Variants in RREB1 observed in about 807,000 individuals in gnomAD.
RREB1 encodes the protein ras-responsive element-binding protein 1.
RREB1 carries 27 observed loss-of-function variants against 117.8 expected under a neutral mutation model. The observed-to-expected ratio is 0.23, with a 90% CI of 0.17 to 0.32. The LOEUF (loss-of-function observed/expected upper bound fraction) is 0.32. RREB1 is among the 10% of genes least tolerant of loss of function. The pLI is 1.00. For missense variants in RREB1, 2,577 were observed against 2,378.2 expected, an observed-to-expected ratio of 1.08 and a Z score of -1.74; for synonymous variants, 1,298 against 1,026.7, an observed-to-expected ratio of 1.26 and a Z score of -5.05.
intron 1 of RREB1, among the ~76,000 whole-genome samples, chr6:7,127,185 C>T (rs957511970): frequency 1.3e-5 from 2 of 151,600 alleles, no homozygotes; most frequent in African/African-American, 4.8e-5. Flanking sequence ...GACGGGGGCT[C>T]GGTGGTGGAG....
intron 6 of RREB1, among the ~76,000 whole-genome samples, chr6:7,199,597 T>C (rs1765837493): frequency 6.6e-6 from 1 of 152,182 alleles, no homozygotes; most frequent in Non-Finnish European, 1.5e-5. Flanking sequence ...TTTGATTGCT[T>C]GTTCTATGAT....
chr6:7,175,028 G>GA (rs1056253552), intron 1 of RREB1, among the ~76,000 whole-genome samples: 1 of 151,730 alleles, frequency 6.6e-6, no homozygotes, highest in South Asian at 2.1e-4. Flanking sequence ...GCAGTTTCTA[G>GA]AAAAAAACCA....
intron 1 of RREB1, among the ~76,000 whole-genome samples, chr6:7,138,914 A>AT (rs1333593879): frequency 2.3e-5 from 2 of 85,650 alleles, no homozygotes; most frequent in South Asian, 2.5e-4. Flanking sequence ...TAATGAAAAG[A>AT]TTTTTTTTCT....
At position 7,239,742 on chromosome 6, in the gene RREB1, T is replaced by G. The variant is rs181362615; in HGVS notation, c.3809-696T>G. Among the ~76,000 whole-genome samples the G allele has an allele frequency of 3.9e-5, 6 of 152,318 alleles. No individual in the cohort carries two copies. The East Asian group carries it at 1.2e-3, about 29-fold the overall frequency. On this transcript the variant is annotated intron_variant, in intron 10 of 12. Coordinates refer to ENST00000379938, the MANE Select transcript of RREB1 (RefSeq NM_001003699.4). ...ATTGGTCACTCATTTGCAACCAAGC[T>G]TGGAGCAGGGGGAACAAAGAACCTT...
At chr6:7,200,280 G>T (rs13209252) in intron 6 of RREB1, among the ~76,000 whole-genome samples, 110 of 93,786 alleles carry the variant, frequency 1.2e-3, no homozygotes, top group Non-Finnish European at 1.5e-3. Context: ...GTGTGTGTGT[G>T]TATTTTTTTT....
chr6:7,137,650 G>C (rs1393564117), intron 1 of RREB1, among the ~76,000 whole-genome samples: 1 of 151,896 alleles, frequency 6.6e-6, no homozygotes, highest in African/African-American at 2.4e-5. Flanking sequence ...TTGGTCTACT[G>C]AAAACATTAG....
At position 7,247,086 on chromosome 6, in the gene RREB1, G is replaced by A. The variant is rs761830569; in HGVS notation, c.4636G>A (p.Asp1546Asn). 1 of 1,613,692 alleles carries A rather than the reference G, an allele frequency of 6.2e-7. No individual in the cohort carries two copies. Among genetic ancestry groups the A allele is most frequent in the African/African-American group, 1.3e-5 (1 of 74,912 alleles). ...GAAAAGGTCCTCAGAGAAGAGCGACGATGACAAGAAACCAAAGACAGACTC... is the reference window on the plus strand; with the variant it reads ...GAAAAGGTCCTCAGAGAAGAGCGACAATGACAAGAAACCAAAGACAGACTC... ...AEKRSSEKSD[D>N]DKKPKTDSPK... Residue 1546 changes from aspartate (D) to asparagine (N), a missense_variant, in exon 12 of 13, where the codon GAT becomes AAT. Physicochemically the swap from Asp to Asn is conservative, Grantham distance 23 (BLOSUM62 1). Coordinates refer to ENST00000379938, the MANE Select transcript of RREB1 (RefSeq NM_001003699.4).
In RREB1 at chr6:7,231,005, C is replaced by T; in HGVS notation, c.2906C>T (p.Pro969Leu). 6.2e-7 allele frequency: 1 copy of T among 1,614,160 alleles called. No homozygotes were observed. Among genetic ancestry groups the T allele is most frequent in the Non-Finnish European group, 8.5e-7 (1 of 1,180,024 alleles). ...GAGGAGGCGGGGAGCAGCGAGCAGCCCTCTCCCTGCCCAGCACCCGGCCCT... is the reference window on the plus strand; with the variant it reads ...GAGGAGGCGGGGAGCAGCGAGCAGCTCTCTCCCTGCCCAGCACCCGGCCCT... Reference protein sequence around the residue: ...PEEEAGSSEQPSPCPAPGPSL... With the variant: ...PEEEAGSSEQLSPCPAPGPSL... Residue 969 changes from proline to leucine, a missense_variant, in exon 10 of 13, where the codon CCC (proline) becomes CTC (leucine). Pro to Leu is a moderately conservative substitution (Grantham distance 98). Coordinates refer to ENST00000379938, the MANE Select transcript of RREB1 (RefSeq NM_001003699.4).
At chr6:7,131,544 T>TC (rs1426097800) in intron 1 of RREB1, among the ~76,000 whole-genome samples, 1 of 152,216 alleles carries the variant, frequency 6.6e-6, no homozygotes, top group Non-Finnish European at 1.5e-5. Context: ...CCAAGGTTAC[T>TC]CTAGCTAGTT....
At position 7,189,182 on chromosome 6, in the gene RREB1, C is replaced by T. The variant is rs145577762; in HGVS notation, c.285C>T (p.Ala95=). 1.5e-5 allele frequency: 24 copies of T among 1,613,174 alleles called. No homozygotes were observed. Among genetic ancestry groups the T allele is most frequent in the African/African-American group, 6.7e-5 (5 of 74,886 alleles). Residue 95 remains alanine, a synonymous_variant, in exon 6 of 13, where the codon GCC becomes GCT. Coordinates refer to ENST00000379938, the MANE Select transcript of RREB1 (RefSeq NM_001003699.4). Reference sequence around the variant, plus strand: ...AGCACAACACAGACACTGGAGGAGCCGACCACTCATGCAGCATCTGCGGAA... The same window carrying T: ...AGCACAACACAGACACTGGAGGAGCTGACCACTCATGCAGCATCTGCGGAA... The part of the protein sequence containing the change: ...IRQHNTDTGG[A]DHSCSICGKS...
At position 7,250,745 on chromosome 6, in the gene RREB1, C is replaced by T. The variant is rs1257095607; in HGVS notation, c.*1777C>T. The T allele has an allele frequency of 1.3e-5, 2 of 152,108 alleles. No individual in the cohort carries two copies. Among genetic ancestry groups the T allele is most frequent in the African/African-American group, 2.4e-5 (1 of 41,414 alleles). 9.4% of individuals were successfully genotyped at this position (152,108 alleles called of 1,614,324 possible). A position where few individuals can be genotyped will look rare whatever the true frequency, so the allele number is the denominator to read the frequency against. On this transcript the variant is annotated 3_prime_UTR_variant, in exon 13 of 13. Coordinates refer to ENST00000379938, the MANE Select transcript of RREB1 (RefSeq NM_001003699.4). ...TTCACCAGTTTCTGAAATCCAACCT[C>T]CCAGACTTCACAGGAAGATAGATAT...
At chr6:7,206,185 A>G (rs781400755) in intron 6 of RREB1, among the ~76,000 whole-genome samples, 3 of 152,356 alleles carry the variant, frequency 2.0e-5, no homozygotes, top group Non-Finnish European at 4.4e-5. Flanking sequence ...CTCTACAATG[A>G]GTGTAGGTAT....
intron 1 of RREB1, among the ~76,000 whole-genome samples, chr6:7,112,593 A>G (rs937758276): frequency 6.6e-6 from 1 of 152,144 alleles, no homozygotes; most frequent in Non-Finnish European, 1.5e-5. Context: ...GGTACCTTAT[A>G]TCAAAGGTAA....
In RREB1 at chr6:7,231,373, G is replaced by A. The variant is rs201758459; in HGVS notation, c.3274G>A (p.Ala1092Thr). 221 of 1,613,300 alleles carry A rather than the reference G, an allele frequency of 1.4e-4. No individual in the cohort carries two copies. Among genetic ancestry groups the A allele is most frequent in the Admixed American group, 1.1e-3 (67 of 59,978 alleles). Residue 1092 changes from alanine (A) to threonine (T), a missense_variant, in exon 10 of 13, where the codon GCA becomes ACA. By Grantham distance (58) the Ala-to-Thr change is moderately conservative. Coordinates refer to ENST00000379938, the MANE Select transcript of RREB1 (RefSeq NM_001003699.4). ...LKTKVADPGP[A>T]STGSNTTASD... ...AACCAAGGTGGCGGACCCAGGGCCCGCAAGCACTGGCAGTAACACCACGGC... is the reference window on the plus strand; with the variant it reads ...AACCAAGGTGGCGGACCCAGGGCCCACAAGCACTGGCAGTAACACCACGGC...
rs776093579 is a variant in RREB1, at chr6:7,210,915, G to C, written c.537G>C (p.Glu179Asp). 6.2e-6 allele frequency: 10 copies of C among 1,614,056 alleles called. No individual in the cohort carries two copies. The highest frequency in any genetic ancestry group is 1.1e-5 in the South Asian group (1 of 91,088). The change falls in exon 7 of 13, where the codon GAG (glutamate) becomes GAC (aspartate). Residue 179 changes from glutamate (E) to aspartate (D), a missense_variant. Glu to Asp is a conservative substitution (Grantham distance 45). Transcript: ENST00000379938. Reference protein sequence around the residue: ...SSKRKLSHDAESEREDPAPAK... With the variant: ...SSKRKLSHDADSEREDPAPAK... ...AGAGGAAACTGAGTCACGATGCCGA[G>C]TCAGAGAGAGAAGACCCAGCACCAG... is the stretch of plus-strand genomic sequence containing the variant.
intron 1 of RREB1, among the ~76,000 whole-genome samples, chr6:7,130,460 CTG>C (rs1458944121): frequency 1.3e-5 from 2 of 152,120 alleles, no homozygotes; most frequent in Admixed American, 6.6e-5. Context: ...TGTGGGCAAA[CTG>C]TCTGCTGGGA....
At chr6:7,232,475 A>G (rs1454092867) in intron 10 of RREB1, among the ~76,000 whole-genome samples, 1 of 152,178 alleles carries the variant, frequency 6.6e-6, no homozygotes, top group Non-Finnish European at 1.5e-5. Context: ...TCCCCTGTTG[A>G]TTGTGAAAAT....
At chr6:7,158,891 A>T (rs1366389878) in intron 1 of RREB1, among the ~76,000 whole-genome samples, 1 of 152,014 alleles carries the variant, frequency 6.6e-6, no homozygotes, top group Non-Finnish European at 1.5e-5. Context: ...TTGATAGCTT[A>T]AAGGCCAGGA....
chr6:7,172,841 T>G (rs989788921), intron 1 of RREB1, among the ~76,000 whole-genome samples: 2 of 152,146 alleles, frequency 1.3e-5, no homozygotes, highest in East Asian at 1.9e-4. Flanking sequence ...TTAGAAGAGA[T>G]AGTTTTGCCC....
Sources: allele counts gnomAD v4.1 joint callset (sites outside exome capture counted in the v4.1 genomes callset), GRCh38; gene constraint gnomAD v4.1.1; transcripts MANE v1.5; gene names NCBI Gene and HGNC (gene_info 2026-07-23, HGNC 2026-07-21).